Variants in ATXN7L1 observed in about 807,000 individuals in gnomAD.
ATXN7L1 encodes ataxin-7-like protein 1.
Under a neutral mutation model 70.8 loss-of-function variants are expected in ATXN7L1, and 15 were observed. That is an observed-to-expected ratio of 0.21 (90% CI 0.14 to 0.33). The LOEUF is 0.33. ATXN7L1 is among the 10% of genes least tolerant of loss of function. The pLI is 1.00. For missense variants in ATXN7L1, 975 were observed against 1,097.1 expected (o/e 0.89, Z 1.57); for synonymous variants, 440 against 445.1 (o/e 0.99, Z 0.14).
intron 3 of ATXN7L1, among the ~76,000 whole-genome samples, chr7:105,780,912 T>A (rs560612122): frequency 2.0e-5 from 3 of 152,166 alleles, no homozygotes; most frequent in African/African-American, 2.4e-5. Flanking sequence ...TTTACTTTGA[T>A]AAAAAATTTA....
chr7:105,613,043 C>T (rs1002355596), intron 10 of ATXN7L1, among the ~76,000 whole-genome samples: 1 of 152,178 alleles, frequency 6.6e-6, no homozygotes, highest in Non-Finnish European at 1.5e-5. Flanking sequence ...CCCACGTCTG[C>T]TCCCTCATCT....
At chr7:105,709,832 ATCT>A (rs1324848128) in intron 3 of ATXN7L1, among the ~76,000 whole-genome samples, 1 of 150,878 alleles carries the variant, frequency 6.6e-6, no homozygotes, top group African/African-American at 2.4e-5. Context: ...CCATCTCCTG[ATCT>A]TCTGGTTTCC....
intron 7 of ATXN7L1, among the ~76,000 whole-genome samples, chr7:105,630,722 AT>A (rs1170206835): frequency 2.6e-3 from 9 of 3,478 alleles, no homozygotes; most frequent in Non-Finnish European, 0.012. Context: ...GTCTCAAAAA[AT>A]AAATAAATAA....
intron 3 of ATXN7L1, among the ~76,000 whole-genome samples, chr7:105,757,654 A>C (rs1396215686): frequency 7.1e-6 from 1 of 139,982 alleles, no homozygotes; most frequent in Non-Finnish European, 1.5e-5. Context: ...GTCACAGCTC[A>C]CTACAGCCTC....
At position 105,729,297 on chromosome 7, in the gene ATXN7L1, GAATGAATAAATA is replaced by G. The variant is rs1366949544; in HGVS notation, c.355+59295_355+59306del. ...ATAATAAATGAATGAATGAATGAAT[GAATGAATAAATA>G]AATAAATAAATAAATAAATAAATAA... On this transcript the variant is annotated intron_variant, in intron 3 of 11. Coordinates refer to ENST00000419735, the MANE Select transcript of ATXN7L1 (RefSeq NM_020725.2). Among the ~76,000 whole-genome samples the G allele has an allele frequency of 1.5e-3, 190 of 126,262 alleles. 1 individual carries two copies. The highest frequency in any genetic ancestry group is 2.3e-3 in the Non-Finnish European group (139 of 60,942). 82.8% of individuals were successfully genotyped at this position (126,262 alleles called of 152,430 possible).
chr7:105,813,589 G>C (rs1391565209), intron 2 of ATXN7L1, among the ~76,000 whole-genome samples: 1 of 151,984 alleles, frequency 6.6e-6, no homozygotes, highest in Non-Finnish European at 1.5e-5. Flanking sequence ...CACCCGCCTC[G>C]GCCTCTCAAA....
At chr7:105,825,296 G>A (rs1020214635) in intron 2 of ATXN7L1, among the ~76,000 whole-genome samples, 2 of 152,156 alleles carry the variant, frequency 1.3e-5, no homozygotes, top group Non-Finnish European at 2.9e-5. Context: ...GACGAAGACA[G>A]GCTTCCAGTC....
intron 2 of ATXN7L1, among the ~76,000 whole-genome samples, chr7:105,821,362 T>A (rs773315939): frequency 1.3e-5 from 2 of 152,196 alleles, no homozygotes; most frequent in Admixed American, 1.3e-4. Context: ...TTATAAATTA[T>A]CAAGTCTCAG....
At position 105,665,183 on chromosome 7, in the gene ATXN7L1, C is replaced by T; in HGVS notation, c.461G>A (p.Gly154Asp). 1 of 1,551,690 alleles carries T rather than the reference C, an allele frequency of 6.4e-7. No individual in the cohort carries two copies. Among genetic ancestry groups the T allele is most frequent in the Non-Finnish European group, 8.7e-7 (1 of 1,146,990 alleles). The stretch of plus-strand genomic sequence containing the variant: ...TGAGGTGCTGCTGGCAGAGTGATGG[C>T]CGCTGAGACAGGCTTTTGTTTTCAC... ...VQVKTKACLS[G>D]HHSASSTSKP... The change falls in exon 4 of 12, where the codon GGC becomes GAC. Residue 154 changes from glycine (G) to aspartate (D), a missense_variant. Gly to Asp is a moderately conservative substitution (Grantham distance 94). This residue lies in a region of ATXN7L1 where 192 missense variants were observed against 215.5 expected (regional missense o/e 0.89). Transcript: ENST00000419735.
chr7:105,768,621 A>G (rs1032949761), intron 3 of ATXN7L1, among the ~76,000 whole-genome samples: 1 of 152,204 alleles, frequency 6.6e-6, no homozygotes. Flanking sequence ...TTCTCTTATT[A>G]CCCATTGTAA....
chr7:105,664,466 T>C (rs1182302911), intron 4 of ATXN7L1, among the ~76,000 whole-genome samples: 1 of 148,140 alleles, frequency 6.8e-6, no homozygotes, highest in African/African-American at 2.5e-5. Context: ...TGTATGTGTG[T>C]ATATGTATAA....
intron 3 of ATXN7L1, among the ~76,000 whole-genome samples, chr7:105,667,734 T>C (rs1253048885): frequency 2.0e-5 from 3 of 150,736 alleles, no homozygotes; most frequent in African/African-American, 7.3e-5. Context: ...TCAACTAGTA[T>C]GATCTTTCTG....
At chr7:105,666,754 C>T (rs548588355) in intron 3 of ATXN7L1, among the ~76,000 whole-genome samples, 42 of 152,276 alleles carry the variant, frequency 2.8e-4, no homozygotes, top group African/African-American at 9.9e-4. Context: ...CAGAGTAGAC[C>T]TTTGCATACA....
At chr7:105,608,176 G>C (rs1039309359) in intron 11 of ATXN7L1, among the ~76,000 whole-genome samples, 1 of 152,188 alleles carries the variant, frequency 6.6e-6, no homozygotes, top group Non-Finnish European at 1.5e-5. Flanking sequence ...CTCTTTGGGA[G>C]AGTGGACAGA....
chr7:105,687,136 A>C (rs1300087693), intron 3 of ATXN7L1, among the ~76,000 whole-genome samples: 1 of 152,150 alleles, frequency 6.6e-6, no homozygotes, highest in East Asian at 1.9e-4. Flanking sequence ...TCTTTCTCTC[A>C]TTGCATTTCC....
intron 2 of ATXN7L1, among the ~76,000 whole-genome samples, chr7:105,840,826 G>A (rs59968213): frequency 0.17 from 26,188 of 152,162 alleles, 2,945 homozygotes; most frequent in South Asian, 0.4. Context: ...CCCAGCTGGT[G>A]TCAGGAATTC....
intron 4 of ATXN7L1, among the ~76,000 whole-genome samples, chr7:105,658,684 C>T (rs1028529902): frequency 6.6e-6 from 1 of 152,004 alleles, no homozygotes; most frequent in Non-Finnish European, 1.5e-5. Context: ...GCATGCGCCA[C>T]CATGCCTGGT....
chr7:105,653,873 C>T (rs530895222), intron 4 of ATXN7L1, among the ~76,000 whole-genome samples: 25 of 152,154 alleles, frequency 1.6e-4, no homozygotes, highest in Middle Eastern at 3.2e-3. Context: ...GTGCCCTCCC[C>T]CATTCTCCAG....
In ATXN7L1 at chr7:105,614,390, C is replaced by G. The variant is rs1458065210; in HGVS notation, c.1944G>C (p.Gln648His). The G allele has an allele frequency of 6.4e-7, 1 of 1,551,974 alleles. No individual in the cohort carries two copies. Among genetic ancestry groups the G allele is most frequent in the Middle Eastern group, 1.7e-4 (1 of 5,996 alleles). ...ESPSNKKRKP[Q>H]SSTSSSSSSS... is the part of the protein sequence containing the mutation. ...AGGAGGAGGAGGAGGAAGTCGAAGA[C>G]TGTGGCTTCCTTTTTTTGTTACTTG... The change falls in exon 10 of 12, where the codon CAG becomes CAC. Residue 648 changes from glutamine (Q) to histidine (H), a missense_variant. Around this residue, in one of 5 missense-constraint regions of ATXN7L1, gnomAD observed 635 missense variants for 699.4 expected, o/e 0.91. Transcript: ENST00000419735. This position sits in a 1 kb window ranked among gnomAD's most constrained non-coding sequence, Gnocchi z 4.3.
Sources: gnomAD v4.1 joint callset for allele counts (sites outside exome capture counted in the v4.1 genomes callset) on GRCh38, gnomAD v4.1.1 for gene constraint, gnomAD v4.1.1 regional missense constraint, Gnocchi (gnomAD v3.1) non-coding constraint, MANE v1.5 for transcripts, NCBI Gene and HGNC (gene_info 2026-07-23, HGNC 2026-07-21) for gene names.